GPC3: variants seen among roughly 807,000 people sequenced by gnomAD.
The protein encoded by GPC3 is glypican 3.
In GPC3, 3 loss-of-function variants were observed where a neutral mutation model predicts 34.4. That is an observed-to-expected ratio of 0.09 (90% CI 0.04 to 0.23). The LOEUF is 0.23. GPC3 is among the 10% of genes least tolerant of loss of function. The pLI, the probability that GPC3 is intolerant of heterozygous loss-of-function variation, is 1.00. For missense variants in GPC3, 351 were observed against 445.6 expected (o/e 0.79, Z 1.91); for synonymous variants, 177 against 174.0 (o/e 1.02, Z -0.13).
In GPC3 at chrX:133,535,903, C is replaced by T. The variant is rs1006483532; in HGVS notation, c.*221G>A. 2.6e-6 allele frequency: 1 copy of T among 381,582 alleles called. No individual in the cohort carries two copies. The highest frequency in any genetic ancestry group is 4.5e-6 in the Non-Finnish European group (1 of 221,172). The allele number at this position is 381,582 out of a possible 1,213,427, so 31.4% of individuals were successfully genotyped here. On this transcript the variant is annotated 3_prime_UTR_variant, in exon 8 of 8. Coordinates refer to ENST00000370818, the MANE Select transcript of GPC3 (RefSeq NM_004484.4). ...CTTGATGGTTTTTTTTCTTTCTTTG[C>T]AAAAGGACAATCTATATGCTACCAC...
chrX:133,794,745 C>G (rs1223606247), intron 2 of GPC3, among the ~76,000 whole-genome samples: 1 of 111,975 alleles, frequency 8.9e-6, no homozygotes. Context: ...AACAGGTTGG[C>G]TACTAAGTGG....
At chrX:133,735,961 T>TAA (rs57468151) in intron 3 of GPC3, among the ~76,000 whole-genome samples, 1 of 96,225 alleles carries the variant, frequency 1.0e-5, no homozygotes, top group Non-Finnish European at 2.1e-5. Context: ...AGACCCTGTT[T>TAA]AAAAAAAAAA....
intron 2 of GPC3, among the ~76,000 whole-genome samples, chrX:133,807,533 A>G (rs2075642737): frequency 1.8e-5 from 2 of 112,116 alleles, no homozygotes; most frequent in Non-Finnish European, 3.8e-5. Flanking sequence ...AAGACAAAGA[A>G]AGAAATATGA....
chrX:133,782,828 T>A (rs1233450968), intron 2 of GPC3, among the ~76,000 whole-genome samples: 1 of 111,610 alleles, frequency 9.0e-6, no homozygotes, highest in Non-Finnish European at 1.9e-5. Context: ...CTGTGCCTAG[T>A]TCCCATGGTT....
intron 7 of GPC3, among the ~76,000 whole-genome samples, chrX:133,591,874 G>A (rs778574978): frequency 5.9e-4 from 66 of 112,051 alleles, no homozygotes; most frequent in African/African-American, 2.1e-3. Flanking sequence ...GTATGTCTCA[G>A]GGATCAGTGC....
chrX:133,874,650 G>C (rs1194595275), intron 2 of GPC3, among the ~76,000 whole-genome samples: 1 of 111,938 alleles, frequency 8.9e-6, no homozygotes. Context: ...GCATGCAGCA[G>C]GTTGCAGGAA....
intron 3 of GPC3, among the ~76,000 whole-genome samples, chrX:133,751,064 C>T (rs1297561807): frequency 5.2e-4 from 51 of 98,616 alleles, no homozygotes; most frequent in African/African-American, 1.8e-3. Flanking sequence ...CAGAGCGAGA[C>T]TCTGTCTCAA....
In GPC3 at chrX:133,605,967, A is replaced by G. The variant is rs954366982; in HGVS notation, c.1414-9368T>C. On this transcript the variant is annotated intron_variant, in intron 6 of 7. Transcript: ENST00000370818. ...TATCAGCAAAGCTACCCACACCCAC[A>G]TATGTTCTTGCCTGGGCCTTGCTTC... Among the ~76,000 whole-genome samples, 12 of 111,992 alleles carry G rather than the reference A, an allele frequency of 1.1e-4. No individual in the cohort carries two copies. In the East Asian group the frequency reaches 3.4e-3, roughly 31 times the overall value.
At chrX:133,644,422 G>A (rs1230183121) in intron 6 of GPC3, among the ~76,000 whole-genome samples, 1 of 111,888 alleles carries the variant, frequency 8.9e-6, no homozygotes, top group Non-Finnish European at 1.9e-5. Context: ...AATATTAATG[G>A]TAGCTAACTA....
intron 2 of GPC3, among the ~76,000 whole-genome samples, chrX:133,881,731 T>A (rs906990187): frequency 8.9e-6 from 1 of 112,230 alleles, no homozygotes; most frequent in Non-Finnish European, 1.9e-5. Context: ...GACAATATGC[T>A]GTAAACTCTA....
intron 2 of GPC3, among the ~76,000 whole-genome samples, chrX:133,820,019 C>T (rs1476400607): frequency 9.0e-6 from 1 of 111,720 alleles, no homozygotes; most frequent in Non-Finnish European, 1.9e-5. Context: ...TCTCCGGTCA[C>T]TAAGAAATAA....
intron 2 of GPC3, among the ~76,000 whole-genome samples, chrX:133,828,085 A>C (rs140213526): frequency 5.1e-4 from 57 of 111,792 alleles, no homozygotes; most frequent in African/African-American, 1.8e-3. Flanking sequence ...ATAACACAAA[A>C]ATATATAGTT....
At chrX:133,620,184 C>A (rs1270297027) in intron 6 of GPC3, among the ~76,000 whole-genome samples, 3 of 94,943 alleles carry the variant, frequency 3.2e-5, no homozygotes, top group African/African-American at 8.1e-5. Context: ...CACACCACTG[C>A]ACTTCAGCCT....
At chrX:133,605,920 T>C (rs2070046504) in intron 6 of GPC3, among the ~76,000 whole-genome samples, 1 of 111,739 alleles carries the variant, frequency 8.9e-6, no homozygotes, top group Admixed American at 9.5e-5. Flanking sequence ...AGAGACCTGC[T>C]AGAGGCTGTG....
chrX:133,555,840 A>T (rs866023860), intron 7 of GPC3, among the ~76,000 whole-genome samples: 18 of 101,959 alleles, frequency 1.8e-4, no homozygotes, highest in East Asian at 5.9e-4. Flanking sequence ...AAAAAAAAAT[A>T]AAAAAAAAAA....
At chrX:133,920,709 T>C (rs1047550799) in intron 2 of GPC3, among the ~76,000 whole-genome samples, 5 of 112,110 alleles carry the variant, frequency 4.5e-5, no homozygotes, top group Non-Finnish European at 9.4e-5. Context: ...ACAGTGCAAT[T>C]AAATAAAAAC....
At chrX:133,846,534 A>T (rs1430349257) in intron 2 of GPC3, among the ~76,000 whole-genome samples, 2 of 111,561 alleles carry the variant, frequency 1.8e-5, no homozygotes, top group African/African-American at 3.3e-5. Flanking sequence ...ACCTGAAGAA[A>T]TAGTTTGGTT....
At chrX:133,793,654 G>T (rs1221462113) in intron 2 of GPC3, among the ~76,000 whole-genome samples, 2 of 111,589 alleles carry the variant, frequency 1.8e-5, no homozygotes, top group Non-Finnish European at 3.8e-5. Context: ...AATTCTAATA[G>T]CCTATATATT....
chrX:133,813,370 T>A (rs753685024), intron 2 of GPC3, among the ~76,000 whole-genome samples: 1 of 112,485 alleles, frequency 8.9e-6, no homozygotes, highest in Admixed American at 9.4e-5. Flanking sequence ...ACCATTCCGA[T>A]AACACTGGCT....
Sources: allele counts gnomAD v4.1 joint callset (sites outside exome capture counted in the v4.1 genomes callset), GRCh38; gene constraint gnomAD v4.1.1; transcripts MANE v1.5; gene names NCBI Gene and HGNC (gene_info 2026-07-23, HGNC 2026-07-21).